The following HNRNPK variants were observed in gnomAD, a reference collection of about 807,000 sequenced individuals.
HNRNPK encodes the protein dC-stretch binding protein.
In HNRNPK, 7 loss-of-function variants were observed where a neutral mutation model predicts 67.0. The ratio of observed to expected loss-of-function variants is 0.10; its 90% CI spans 0.06 to 0.20. HNRNPK has a LOEUF of 0.20. HNRNPK is among the 10% of genes least tolerant of loss of function. The pLI is 1.00. For synonymous variants in HNRNPK, 213 were observed against 193.7 expected (o/e 1.10, Z -0.83); for missense variants, 264 against 606.5 (o/e 0.44, Z 5.93).
At chr9:83,973,519 A>G (rs1956948414) in intron 8 of HNRNPK, 120 bp from the exon 9 acceptor site, 3 of 675,076 alleles carry the variant, frequency 4.4e-6, no homozygotes, top group Non-Finnish European at 8.0e-6. Flanking sequence ...TTATATTTCA[A>G]TAACTTTACC....
chr9:83,980,383 G>T (rs992305981), upstream of HNRNPK: 1 of 152,728 alleles, frequency 6.5e-6, no homozygotes, highest in Admixed American at 6.5e-5. Flanking sequence ...CCTCCCTTCG[G>T]GCTGGGAGGC....
At chr9:83,976,050 G>GT (rs776743115) in intron 5 of HNRNPK, among the ~76,000 whole-genome samples, 12 of 152,112 alleles carry the variant, frequency 7.9e-5, no homozygotes, top group Non-Finnish European at 1.6e-4. Flanking sequence ...GAGGAGAGAG[G>GT]TTTATAAAAG....
intron 16 of HNRNPK, chr9:83,969,700 T>C: frequency 1.6e-6 from 1 of 613,580 alleles, no homozygotes; most frequent in East Asian, 2.9e-5. Context: ...AGACAAAGAA[T>C]GCTAGTAAGG....
chr9:83,970,696 A>G, intron 15 of HNRNPK, 41 bp downstream of exon 15: 1 of 1,190,214 alleles, frequency 8.4e-7, no homozygotes, highest in Non-Finnish European at 1.2e-6. Context: ...GAATAATCAT[A>G]AAAGTGATAA....
intron 6 of HNRNPK, among the ~76,000 whole-genome samples, chr9:83,974,870 G>A (rs1294029356): frequency 1.3e-5 from 2 of 152,208 alleles, no homozygotes; most frequent in Non-Finnish European, 2.9e-5. Flanking sequence ...AACTGAAGCA[G>A]AGTTGAATAT....
chr9:83,976,070 A>C (rs1957052317), intron 5 of HNRNPK, among the ~76,000 whole-genome samples: 1 of 152,116 alleles, frequency 6.6e-6, no homozygotes, highest in African/African-American at 2.4e-5. Context: ...GACAAAACAA[A>C]AATTCCCACA....
rs957093273 is a variant in HNRNPK, at chr9:83,977,856, A to C, written c.59-70T>G. The C allele has an allele frequency of 4.4e-5, 42 of 958,146 alleles. 1 individual carries two copies. The Admixed American group carries it at 8.4e-4, about 19-fold the overall frequency. The allele number at this position is 958,146 out of a possible 1,614,324, so 59.4% of individuals were successfully genotyped here. A position where few individuals can be genotyped will look rare whatever the true frequency, so the allele number is the denominator to read the frequency against. ...CAAAGTAACTCCATTCTGTTTCAAGAGACTTGTTGCTAATCTTAGGCATGT... is the reference window on the plus strand; with the variant it reads ...CAAAGTAACTCCATTCTGTTTCAAGCGACTTGTTGCTAATCTTAGGCATGT... On this transcript the variant is annotated intron_variant, in intron 3 of 16. Coordinates refer to ENST00000376263, the MANE Select transcript of HNRNPK (RefSeq NM_031263.4).
In HNRNPK at chr9:83,977,729, G is replaced by A; in HGVS notation, c.116C>T (p.Thr39Ile). The change falls in exon 4 of 17, where the codon ACT becomes ATT. Residue 39 changes from threonine to isoleucine, a missense_variant. Thr to Ile is a moderately conservative substitution (Grantham distance 89). Around this residue, in one of 6 missense-constraint regions of HNRNPK, gnomAD observed 32 missense variants for 45.6 expected, o/e 0.70. Transcript: ENST00000376263. ...EEQAFKRSRN[T>I]DEMVELRILL... ...AATGCGTAATTCAACCATCTCATCA[G>A]TGTTTCTAGATCTTTTAAATGCTTG... 6.2e-7 allele frequency: 1 copy of A among 1,609,300 alleles called. No individual in the cohort carries two copies. Among genetic ancestry groups the A allele is most frequent in the Non-Finnish European group, 8.5e-7 (1 of 1,176,706 alleles).
rs1467345029 is a variant in HNRNPK, at chr9:83,968,207, A to C, written c.*1200T>G. 1.3e-5 allele frequency: 2 copies of C among 152,588 alleles called. No individual in the cohort carries two copies. The highest frequency in any genetic ancestry group is 4.8e-5 in the African/African-American group (2 of 41,448). The allele number at this position is 152,588 out of a possible 1,614,324, so 9.5% of individuals were successfully genotyped here. Reference sequence around the variant, plus strand: ...ATCATGGGTGTTTTATTTATTTGGAAGTGAATTTTAACTATCAATACAAAT... The same window carrying C: ...ATCATGGGTGTTTTATTTATTTGGACGTGAATTTTAACTATCAATACAAAT... On this transcript the variant is annotated 3_prime_UTR_variant, in exon 17 of 17. Coordinates refer to ENST00000376263, the MANE Select transcript of HNRNPK (RefSeq NM_031263.4).
In HNRNPK at chr9:83,974,587, A is replaced by G; in HGVS notation, c.260T>C (p.Ile87Thr). The change falls in exon 7 of 17, where the codon ATA (isoleucine) becomes ACA (threonine). Residue 87 changes from isoleucine to threonine, a missense_variant and splice_region_variant. Transcript: ENST00000376263. ...SVPDSSGPER[I>T]LSISADIETI... ...TTCAATATCAGCACTGATACTCAAT[A>G]TGCTGTCAAACACCACAAATACCAG... The G allele has an allele frequency of 1.3e-6, 2 of 1,599,896 alleles. No homozygotes were observed. Among genetic ancestry groups the G allele is most frequent in the Non-Finnish European group, 1.7e-6 (2 of 1,170,312 alleles).
intron 6 of HNRNPK, among the ~76,000 whole-genome samples, chr9:83,974,901 G>A (rs1371180526): frequency 1.3e-5 from 2 of 152,214 alleles, no homozygotes; most frequent in African/African-American, 2.4e-5. Context: ...CGCCACCACT[G>A]AGTTAAGGAT....
intron 2 of HNRNPK, 39 bp downstream of exon 2, chr9:83,978,334 A>C (rs1957168153): frequency 2.2e-6 from 1 of 451,642 alleles, no homozygotes. Context: ...CAAGCTGTAA[A>C]AAAAAAAAAA....
In HNRNPK at chr9:83,973,936, A is replaced by C. The variant is rs1564064843; in HGVS notation, c.368T>G (p.Leu123Arg). 1 of 1,613,970 alleles carries C rather than the reference A, an allele frequency of 6.2e-7. No homozygotes were observed. The highest frequency in any genetic ancestry group is 8.5e-7 in the Non-Finnish European group (1 of 1,179,902). ...TTCCACAGCATCAGATTCGAGCGGGAGCTGGCTGGTTGCAGTGGGTGATGG... is the reference window on the plus strand; with the variant it reads ...TTCCACAGCATCAGATTCGAGCGGGCGCTGGCTGGTTGCAGTGGGTGATGG... Reference protein sequence around the residue: ...QLPSPTATSQLPLESDAVECL... With the variant: ...QLPSPTATSQRPLESDAVECL... Residue 123 changes from leucine (L) to arginine (R), a missense_variant, in exon 8 of 17, where the codon CTC (leucine) becomes CGC (arginine). Physicochemically the swap from Leu to Arg is moderately radical, Grantham distance 102 (BLOSUM62 -2). This residue lies in a region of HNRNPK where 39 missense variants were observed against 54.4 expected (regional missense o/e 0.72). Transcript: ENST00000376263.
chr9:83,975,635 C>T, intron 5 of HNRNPK, 130 bp from the exon 6 acceptor site: 1 of 782,444 alleles, frequency 1.3e-6, no homozygotes, highest in Non-Finnish European at 2.3e-6. Context: ...TTCACATGGG[C>T]GTTCAGGGGC....
At chr9:83,970,852 A>G (rs751370155) in intron 14 of HNRNPK, 33 bp from the exon 15 acceptor site, 1 of 1,607,896 alleles carries the variant, frequency 6.2e-7, no homozygotes, top group East Asian at 2.2e-5. Flanking sequence ...AGTTCATTTA[A>G]AAAGTATGAA....
Position 83,977,806 on chromosome 9 carries a change from A to C in HNRNPK, c.59-20T>G, listed in dbSNP as rs1280391026. ...GTTTACCTAAAAATTAACAGTTCAC[A>C]TTTCAAAGAAAGCAGCGAAGTCTCC... On this transcript the variant is annotated intron_variant, in intron 3 of 16. Coordinates refer to ENST00000376263, the MANE Select transcript of HNRNPK (RefSeq NM_031263.4). 5.5e-6 allele frequency: 8 copies of C among 1,465,490 alleles called. No individual in the cohort carries two copies. Among genetic ancestry groups the C allele is most frequent in the Non-Finnish European group, 6.7e-6 (7 of 1,050,508 alleles). 90.8% of individuals were successfully genotyped at this position (1,465,490 alleles called of 1,614,324 possible).
Sources: gnomAD v4.1 joint callset for allele counts (sites outside exome capture counted in the v4.1 genomes callset) on GRCh38, gnomAD v4.1.1 for gene constraint, gnomAD v4.1.1 regional missense constraint, MANE v1.5 for transcripts, NCBI Gene and HGNC (gene_info 2026-07-23, HGNC 2026-07-21) for gene names.